Variants in CFAP210 observed in about 807,000 individuals in gnomAD.
The protein encoded by CFAP210 is cilia- and flagella- associated protein 210.
chr2:169,674,330 G>C, the CFAP210 span, among the ~76,000 whole-genome samples: 1 of 152,168 alleles, frequency 6.6e-6, no homozygotes, highest in African/African-American at 2.4e-5. Context: ...CCAGATGCAT[G>C]AGAAGTAAAC....
chr2:169,679,763 C>T, the CFAP210 span, among the ~76,000 whole-genome samples: 3 of 151,528 alleles, frequency 2.0e-5, no homozygotes, highest in Non-Finnish European at 2.9e-5. Context: ...TTACCTCCCA[C>T]CTATAAGTGA....
At chr2:169,668,671 A>AAG in the CFAP210 span, among the ~76,000 whole-genome samples, 1 of 152,176 alleles carries the variant, frequency 6.6e-6, no homozygotes, top group Non-Finnish European at 1.5e-5. Context: ...GGCCCAAGGA[A>AAG]AGAGAGAGAG....
chr2:169,677,836 G>A, the CFAP210 span, among the ~76,000 whole-genome samples: 1 of 151,964 alleles, frequency 6.6e-6, no homozygotes, highest in Non-Finnish European at 1.5e-5. Flanking sequence ...TATCAAGAAG[G>A]GACTAGAACT....
At chr2:169,653,011 A>C in the CFAP210 span, among the ~76,000 whole-genome samples, 1 of 55,222 alleles carries the variant, frequency 1.8e-5, no homozygotes, top group Non-Finnish European at 3.3e-5. Context: ...AAAAAAAAAA[A>C]AAAAAAAAAA....
the CFAP210 span, among the ~76,000 whole-genome samples, chr2:169,684,506 G>C: frequency 5.1e-3 from 775 of 152,232 alleles, 2 homozygotes; most frequent in Middle Eastern, 0.01. Context: ...CTACTTTCTG[G>C]CTCTACGGAT....
chr2:169,655,405 TC>T, the CFAP210 span, among the ~76,000 whole-genome samples: 1 of 152,256 alleles, frequency 6.6e-6, no homozygotes, highest in Non-Finnish European at 1.5e-5. Context: ...TGCCCAGCAC[TC>T]TTAACTAATC....
chr2:169,677,848 A>G, the CFAP210 span, among the ~76,000 whole-genome samples: 1 of 152,218 alleles, frequency 6.6e-6, no homozygotes, highest in African/African-American at 2.4e-5. Flanking sequence ...ACTAGAACTA[A>G]TAAGTGAGAT....
chr2:169,675,052 C>A, the CFAP210 span: 1 of 1,453,448 alleles, frequency 6.9e-7, no homozygotes, highest in Non-Finnish European at 9.0e-7. Context: ...TGTAAAAAGA[C>A]AAACACAATT....
chr2:169,649,741 G>T, the CFAP210 span, among the ~76,000 whole-genome samples: 2 of 152,128 alleles, frequency 1.3e-5, no homozygotes, highest in East Asian at 1.9e-4. Flanking sequence ...AGACCAGCCT[G>T]ACCAACATGG....
chr2:169,660,426 T>G, the CFAP210 span, among the ~76,000 whole-genome samples: 19 of 151,796 alleles, frequency 1.3e-4, no homozygotes, highest in South Asian at 4.2e-4. Flanking sequence ...TCACTGTTTT[T>G]TTTTGTTTTG....
the CFAP210 span, chr2:169,645,765 T>C: frequency 2.3e-6 from 2 of 888,356 alleles, no homozygotes; most frequent in Non-Finnish European, 3.4e-6. Context: ...AACAGCTTTA[T>C]TAACTGAAAT....
chr2:169,682,946 C>A, the CFAP210 span, among the ~76,000 whole-genome samples: 1 of 152,016 alleles, frequency 6.6e-6, no homozygotes, highest in Non-Finnish European at 1.5e-5. Context: ...ATGTTCTCAA[C>A]AAATATTAGC....
the CFAP210 span, among the ~76,000 whole-genome samples, chr2:169,683,447 C>G: frequency 1.3e-5 from 2 of 152,192 alleles, no homozygotes; most frequent in Non-Finnish European, 2.9e-5. Context: ...ACCAGCTCAG[C>G]TTGGCTTTTG....
chr2:169,679,504 C>T, the CFAP210 span, among the ~76,000 whole-genome samples: 2 of 151,764 alleles, frequency 1.3e-5, no homozygotes, highest in Non-Finnish European at 2.9e-5. Flanking sequence ...TGGTGAAAAC[C>T]CATCTCTACA....
At chr2:169,658,689 G>A in the CFAP210 span, 1 of 278,342 alleles carries the variant, frequency 3.6e-6, no homozygotes. Context: ...ACTGTCTTCT[G>A]TCTACAACAG....
chr2:169,692,444 GCACACACACACA>G, the CFAP210 span, among the ~76,000 whole-genome samples: 3 of 143,668 alleles, frequency 2.1e-5, no homozygotes, highest in South Asian at 2.2e-4. Flanking sequence ...ACAGGCGCAC[GCACACACACACA>G]CACACACACA....
At chr2:169,684,744 C>G in the CFAP210 span, among the ~76,000 whole-genome samples, 1 of 152,164 alleles carries the variant, frequency 6.6e-6, no homozygotes, top group Non-Finnish European at 1.5e-5. Flanking sequence ...ACCTCCATCT[C>G]CCGGGTTCAA....
At chr2:169,681,343 T>A in the CFAP210 span, 1 of 827,674 alleles carries the variant, frequency 1.2e-6, no homozygotes, top group Non-Finnish European at 2.0e-6. Context: ...TTCAAATACT[T>A]AATTTACTCT....
the CFAP210 span, among the ~76,000 whole-genome samples, chr2:169,655,841 A>C: frequency 6.6e-6 from 1 of 152,206 alleles, no homozygotes; most frequent in African/African-American, 2.4e-5. Context: ...TCATAGCTAA[A>C]ATAAAAAAAT....
Sources: gnomAD v4.1 joint callset for allele counts (sites outside exome capture counted in the v4.1 genomes callset) on GRCh38, gnomAD v4.1.1 for gene constraint, MANE v1.5 for transcripts, NCBI Gene and HGNC (gene_info 2026-07-23, HGNC 2026-07-21) for gene names.